Variants in MROH2B observed in about 807,000 individuals in gnomAD.
MROH2B encodes the protein maestro heat like repeat family member 2B, also known as maestro heat-like repeat-containing protein family member 2B.
A neutral mutation model predicts 208.6 loss-of-function variants in MROH2B; 177 were observed. The observed-to-expected ratio is 0.85, with a 90% CI of 0.75 to 0.96. MROH2B has a LOEUF of 0.96. MROH2B is among the 40% of genes least tolerant of loss of function. The probability of loss-of-function intolerance (pLI) is 0.00; values close to 1 mark genes in which losing one functional copy is unlikely to be tolerated. For synonymous variants in MROH2B, 728 were observed against 659.0 expected (o/e 1.10, Z -1.60); for missense variants, 2,002 against 1,878.7 (o/e 1.07, Z -1.21).
chr5:41,049,452 C>T lies in MROH2B; in HGVS notation c.1345-16G>A. 8 of 1,604,246 alleles carry T rather than the reference C, an allele frequency of 5.0e-6. No individual in the cohort carries two copies. The highest frequency in any genetic ancestry group is 6.8e-6 in the Non-Finnish European group (8 of 1,176,774). On this transcript the variant is annotated splice_polypyrimidine_tract_variant and intron_variant, in intron 13 of 41. Transcript: ENST00000399564. ...GCCATAGCACCTGTGGAAAACAGGGCATGATGCAAGGATTGCTTATTCTTT... is the reference window on the plus strand; with the variant it reads ...GCCATAGCACCTGTGGAAAACAGGGTATGATGCAAGGATTGCTTATTCTTT...
intron 34 of MROH2B, among the ~76,000 whole-genome samples, chr5:41,006,996 A>AT (rs1561275369): frequency 2.2e-4 from 33 of 152,228 alleles, no homozygotes; most frequent in African/African-American, 5.3e-4. Context: ...AAAAAAATAA[A>AT]ATTTTTTTTA....
intron 2 of MROH2B, among the ~76,000 whole-genome samples, chr5:41,068,810 A>C (rs1743888782): frequency 2.0e-5 from 3 of 152,152 alleles, no homozygotes; most frequent in African/African-American, 4.8e-5. Context: ...AACCGTACCT[A>C]AATGTTTGGA....
chr5:41,046,611 T>C (rs1579945828), intron 17 of MROH2B, among the ~76,000 whole-genome samples: 1 of 151,870 alleles, frequency 6.6e-6, no homozygotes, highest in African/African-American at 2.4e-5. Context: ...AATTAAACAG[T>C]TTCGGAAATT....
chr5:41,011,657 G>T (rs563031535), intron 30 of MROH2B, among the ~76,000 whole-genome samples: 2 of 147,472 alleles, frequency 1.4e-5, no homozygotes, highest in South Asian at 2.2e-4. Flanking sequence ...TTTAGTGAAA[G>T]ATTTTTTCCT....
At chr5:41,029,687 G>A (rs952349894) in intron 24 of MROH2B, among the ~76,000 whole-genome samples, 1 of 152,044 alleles carries the variant, frequency 6.6e-6, no homozygotes. Context: ...AGAAAATACA[G>A]GGAAAAGCTT....
At chr5:41,064,223 C>T (rs62360760) in intron 5 of MROH2B, among the ~76,000 whole-genome samples, 2 of 152,156 alleles carry the variant, frequency 1.3e-5, no homozygotes, top group African/African-American at 2.4e-5. Context: ...AAATTCTTTA[C>T]TTTCCTTGAA....
intron 33 of MROH2B, among the ~76,000 whole-genome samples, chr5:41,008,183 CT>C: frequency 6.6e-6 from 1 of 152,226 alleles, no homozygotes; most frequent in Admixed American, 6.5e-5. Context: ...CTTTGGAGTT[CT>C]TTTCTGTTTT....
intron 30 of MROH2B, among the ~76,000 whole-genome samples, chr5:41,010,402 G>A (rs1009012585): frequency 2.0e-5 from 3 of 152,138 alleles, no homozygotes; most frequent in Admixed American, 2.0e-4. Context: ...ATCAATCATA[G>A]ACCTAAAGGC....
At chr5:41,060,372 G>A (rs1743598215) in intron 6 of MROH2B, among the ~76,000 whole-genome samples, 1 of 151,874 alleles carries the variant, frequency 6.6e-6, no homozygotes, top group Non-Finnish European at 1.5e-5. Context: ...AGGGTTTCTT[G>A]TTTATTAAAA....
At chr5:41,015,233 A>C in intron 29 of MROH2B, 148 bp downstream of exon 29, 1 of 646,884 alleles carries the variant, frequency 1.5e-6, no homozygotes, top group Admixed American at 2.9e-5. Flanking sequence ...TTGACTAGGC[A>C]TGTGTACTCT....
intron 30 of MROH2B, 58 bp downstream of exon 30, chr5:41,012,525 T>C (rs923127951): frequency 9.0e-6 from 14 of 1,556,034 alleles, no homozygotes; most frequent in Non-Finnish European, 1.2e-5. Context: ...AGTGGCTGAC[T>C]TGGCATTTCA....
At chr5:41,034,034 T>C in intron 21 of MROH2B, 170 bp from the exon 22 acceptor site, 1 of 984,948 alleles carries the variant, frequency 1.0e-6, no homozygotes, top group Non-Finnish European at 1.2e-6. Flanking sequence ...CTTCTTCCAT[T>C]TTTAAAGTGA....
intron 24 of MROH2B, among the ~76,000 whole-genome samples, chr5:41,021,842 C>T (rs980165931): frequency 6.6e-6 from 1 of 152,060 alleles, no homozygotes. Context: ...TGCCACTGCA[C>T]TCCAGCCTGG....
intron 19 of MROH2B, among the ~76,000 whole-genome samples, chr5:41,040,886 C>T (rs927349555): frequency 1.3e-5 from 2 of 152,142 alleles, no homozygotes; most frequent in East Asian, 1.9e-4. Flanking sequence ...AGACTGGTCT[C>T]GAACTCCTGA....
chr5:41,052,605 C>A lies in MROH2B; in HGVS notation c.1108-18G>T, dbSNP rs1187772232. 5 of 1,585,852 alleles carry A rather than the reference C, an allele frequency of 3.2e-6. No homozygotes were observed. The highest frequency in any genetic ancestry group is 1.3e-5 in the African/African-American group (1 of 74,178). On this transcript the variant is annotated intron_variant, in intron 11 of 41. Coordinates refer to ENST00000399564, the MANE Select transcript of MROH2B (RefSeq NM_173489.5). ...TTTCTTACCTAGGGTAAGAACAATG[C>A]AATAGCAACATTTTACTATGTTTTG... is the stretch of plus-strand genomic sequence containing the variant.
rs200153308 is a variant in MROH2B, at chr5:41,036,133, C to T, written c.2215-2269G>A. On this transcript the variant is annotated intron_variant, in intron 21 of 41. Transcript: ENST00000399564. ...GGGAGATACATATATTATATATACA[C>T]ACACACACACACACACACACCCCAC... Among the ~76,000 whole-genome samples, 579 of 148,998 alleles carry T rather than the reference C, an allele frequency of 3.9e-3. 5 individuals are homozygous for T. Among genetic ancestry groups the T allele is most frequent in the East Asian group, 0.03 (152 of 5,096 alleles).
intron 29 of MROH2B, among the ~76,000 whole-genome samples, chr5:41,014,998 T>C (rs767432483): frequency 7.9e-5 from 12 of 152,216 alleles, no homozygotes; most frequent in African/African-American, 1.4e-4. Flanking sequence ...CATGACTGAA[T>C]GAGTGATTGA....
rs1203895753 is a variant in MROH2B at position 40,998,616 on chromosome 5, G to C, written c.4647C>G (p.Thr1549=). The change falls in exon 41 of 42, where the codon ACC becomes ACG. Residue 1549 remains threonine, a synonymous_variant. Transcript: ENST00000399564. The part of the protein sequence containing the change: ...YVELLDREQL[T]TRLQALRQDP... The stretch of plus-strand genomic sequence containing the variant: ...AGAAACTAGGTTGGTACTCACGTGT[G>C]GTCAGTTGTTCTCTGTCTAGTAACT... 1.3e-6 allele frequency: 2 copies of C among 1,594,828 alleles called. No individual in the cohort carries two copies. Among genetic ancestry groups the C allele is most frequent in the East Asian group, 4.5e-5 (2 of 44,470 alleles).
At chr5:41,056,581 G>GC (rs569919507) in intron 9 of MROH2B, among the ~76,000 whole-genome samples, 7 of 151,838 alleles carry the variant, frequency 4.6e-5, no homozygotes, top group East Asian at 1.9e-4. Flanking sequence ...GGATTTTGGT[G>GC]CCCCCCGTGC....
Sources: gnomAD v4.1 joint callset for allele counts (sites outside exome capture counted in the v4.1 genomes callset) on GRCh38, gnomAD v4.1.1 for gene constraint, MANE v1.5 for transcripts, NCBI Gene and HGNC (gene_info 2026-07-23, HGNC 2026-07-21) for gene names.